Variants in CCDC158 observed in about 807,000 individuals in gnomAD.
CCDC158 encodes the protein coiled-coil domain containing 158, also known as coiled-coil domain-containing protein 158.
Under a neutral mutation model 138.6 loss-of-function variants are expected in CCDC158, and 116 were observed. The ratio of observed to expected loss-of-function variants is 0.84; its 90% CI spans 0.72 to 0.98. The LOEUF (loss-of-function observed/expected upper bound fraction) is 0.98, where lower values mean the gene tolerates loss of function less well. Ranked by LOEUF, CCDC158 falls within the 50% of genes least tolerant of loss-of-function variation. The probability of loss-of-function intolerance (pLI) is 0.00; values close to 1 mark genes in which losing one functional copy is unlikely to be tolerated. For missense variants in CCDC158, 1,265 were observed against 1,306.1 expected (o/e 0.97, Z 0.48); for synonymous variants, 436 against 442.4 (o/e 0.99, Z 0.18).
At chr4:76,357,770 C>T (rs1297082950) in intron 13 of CCDC158, among the ~76,000 whole-genome samples, 1 of 151,984 alleles carries the variant, frequency 6.6e-6, no homozygotes, top group East Asian at 1.9e-4. Flanking sequence ...ATTGTTTTTT[C>T]CCAAACATTA....
chr4:76,381,284 C>A (rs1190282914), intron 8 of CCDC158, among the ~76,000 whole-genome samples: 1 of 152,220 alleles, frequency 6.6e-6, no homozygotes, highest in Admixed American at 6.5e-5. Context: ...CTCAGTGTAG[C>A]CTGTGAAAGC....
rs756256598 is a variant in CCDC158 at position 76,313,120 on chromosome 4, C to T, written c.*50G>A. The T allele has an allele frequency of 1.3e-5, 16 of 1,220,082 alleles. No homozygotes were observed. The African/African-American group carries it at 1.8e-4, about 14-fold the overall frequency. The allele number at this position is 1,220,082 out of a possible 1,614,324, so 75.6% of individuals were successfully genotyped here. On this transcript the variant is annotated 3_prime_UTR_variant, in exon 25 of 25. Transcript: ENST00000682701. ...CACAGGGCACTAATTACGAGTAACA[C>T]CACAATTAATTGGGCCTCATTCCTC... is the stretch of plus-strand genomic sequence containing the variant.
chr4:76,377,311 CA>C (rs1474227724), intron 9 of CCDC158, among the ~76,000 whole-genome samples: 6 of 152,148 alleles, frequency 3.9e-5, no homozygotes, highest in African/African-American at 1.4e-4. Context: ...TGCGGCTTTT[CA>C]AAAAGTTTGT....
intron 1 of CCDC158, among the ~76,000 whole-genome samples, chr4:76,416,451 A>T (rs2109929168): frequency 6.6e-6 from 1 of 152,256 alleles, no homozygotes; most frequent in South Asian, 2.1e-4. Context: ...GACTCTACAG[A>T]GTCTAATGTT....
intron 16 of CCDC158, chr4:76,352,234 C>T (rs1723113926): frequency 6.5e-6 from 1 of 153,430 alleles, no homozygotes; most frequent in Admixed American, 6.5e-5. Context: ...TGGTGAAACC[C>T]CGTCTCTACT....
rs1180154964 is a variant in CCDC158, at chr4:76,380,738, T to A, written c.915-1334A>T. Among the ~76,000 whole-genome samples the A allele has an allele frequency of 2.6e-5, 4 of 152,212 alleles. No individual in the cohort carries two copies. The East Asian group carries it at 5.8e-4, about 22-fold the overall frequency. On this transcript the variant is annotated intron_variant, in intron 8 of 24. Transcript: ENST00000682701. ...AAGAGGTGCAAGACAATGGGGAAAA[T>A]GTCTCCGGGGCATGTCAGAGATCTT...
At chr4:76,359,750 C>T (rs1011836660) in intron 13 of CCDC158, among the ~76,000 whole-genome samples, 2 of 152,140 alleles carry the variant, frequency 1.3e-5, no homozygotes, top group Non-Finnish European at 2.9e-5. Flanking sequence ...AAAGAAATAA[C>T]CTGAAGCTAG....
rs368025660 is a variant in CCDC158 at position 76,396,453 on chromosome 4, C to T, written c.104G>A (p.Arg35His). 100 of 1,609,306 alleles carry T rather than the reference C, an allele frequency of 6.2e-5. No homozygotes were observed. Among genetic ancestry groups the T allele is most frequent in the Admixed American group, 1.7e-4 (10 of 58,974 alleles). ...AGATGTGTTTTCAATTATTGTACCA[C>T]GAATAGATGACACAAAAAATGAACT... ...SSSSFFVSSI[R>H]GTIIENTSSA... Residue 35 changes from arginine (R) to histidine (H), a missense_variant, in exon 4 of 25, where the codon CGT becomes CAT. Arg to His is a conservative substitution (Grantham distance 29). Transcript: ENST00000682701.
intron 1 of CCDC158, among the ~76,000 whole-genome samples, chr4:76,418,371 T>C (rs1370662214): frequency 6.6e-6 from 1 of 152,178 alleles, no homozygotes; most frequent in Non-Finnish European, 1.5e-5. Flanking sequence ...AGTAAGTTTA[T>C]TAAAAATCAC....
In CCDC158 at chr4:76,351,737, G is replaced by T. The variant is rs779490412; in HGVS notation, c.2521C>A (p.His841Asn). Residue 841 changes from histidine (H) to asparagine (N), a missense_variant, in exon 17 of 25, where the codon CAC becomes AAC. Physicochemically the swap from His to Asn is moderately conservative, Grantham distance 68. Coordinates refer to ENST00000682701, the MANE Select transcript of CCDC158 (RefSeq NM_001394954.1). ...EQESVRLKLQ[H>N]TLDIKELQGP... ...GACCTTACTTTTATATCCAAAGTGT[G>T]TTGAAGTTTTAAGCGCACTGATTCT... is the stretch of plus-strand genomic sequence containing the variant. 5.0e-6 allele frequency: 8 copies of T among 1,610,212 alleles called. 1 individual carries two copies. The highest frequency in any genetic ancestry group is 1.7e-4 in the Middle Eastern group (1 of 6,032).
chr4:76,341,081 T>G (rs73828787), intron 18 of CCDC158, among the ~76,000 whole-genome samples: 215 of 152,320 alleles, frequency 1.4e-3, no homozygotes, highest in African/African-American at 4.9e-3. Context: ...CTGAAAACAT[T>G]GACTCTGAAA....
intron 3 of CCDC158, among the ~76,000 whole-genome samples, chr4:76,397,211 G>GAAA (rs375388366): frequency 2.3e-4 from 33 of 146,508 alleles, no homozygotes; most frequent in African/African-American, 6.0e-4. Flanking sequence ...CTTAATTTTG[G>GAAA]AAAAAAAAAA....
intron 9 of CCDC158, among the ~76,000 whole-genome samples, chr4:76,373,301 T>C (rs1015670880): frequency 2.6e-5 from 4 of 152,280 alleles, no homozygotes; most frequent in Admixed American, 6.5e-5. Context: ...TACTTAGTTA[T>C]ATGGTGATAT....
chr4:76,379,337 G>C lies in CCDC158; in HGVS notation c.982C>G (p.Gln328Glu). The change falls in exon 9 of 25, where the codon CAG (glutamine) becomes GAG (glutamate). Residue 328 changes from glutamine (Q) to glutamate (E), a missense_variant. Physicochemically the swap from Gln to Glu is conservative, Grantham distance 29. Coordinates refer to ENST00000682701, the MANE Select transcript of CCDC158 (RefSeq NM_001394954.1). Reference sequence around the variant, plus strand: ...GCTTCCCTTAATTCAGAACGTAGCTGAGAAACAGTAGATTCCAGATCGCTG... The same window carrying C: ...GCTTCCCTTAATTCAGAACGTAGCTCAGAAACAGTAGATTCCAGATCGCTG... ...QLSDLESTVS[Q>E]LRSELREAKR... 2 of 1,610,388 alleles carry C rather than the reference G, an allele frequency of 1.2e-6. No individual in the cohort carries two copies. Among genetic ancestry groups the C allele is most frequent in the Non-Finnish European group, 1.7e-6 (2 of 1,178,830 alleles).
chr4:76,313,964 G>A (rs1037785430), intron 24 of CCDC158, among the ~76,000 whole-genome samples: 1 of 152,106 alleles, frequency 6.6e-6, no homozygotes, highest in South Asian at 2.1e-4. Context: ...ACTAAAAAAG[G>A]TTACATCCTT....
intron 13 of CCDC158, among the ~76,000 whole-genome samples, chr4:76,361,632 A>G (rs111966503): frequency 1.0e-3 from 159 of 152,344 alleles, no homozygotes; most frequent in African/African-American, 3.5e-3. Context: ...AGGGACTAAT[A>G]CACATACCAA....
chr4:76,323,319 A>G lies in CCDC158; in HGVS notation c.3260T>C (p.Leu1087Ser), dbSNP rs1276873041. 1 of 1,611,688 alleles carries G rather than the reference A, an allele frequency of 6.2e-7. No homozygotes were observed. Among genetic ancestry groups the G allele is most frequent in the South Asian group, 1.1e-5 (1 of 90,420 alleles). Residue 1087 changes from leucine (L) to serine (S), a missense_variant, in exon 24 of 25, where the codon TTA becomes TCA. Leu to Ser is a moderately radical substitution (Grantham distance 145, BLOSUM62 -2). Coordinates refer to ENST00000682701, the MANE Select transcript of CCDC158 (RefSeq NM_001394954.1). The stretch of plus-strand genomic sequence containing the variant: ...CACTGTACCTTGGTTCTTCAGCTGT[A>G]AATCTTCTACCAGAGTTTGCAAGCT... Reference protein sequence around the residue: ...LESLQTLVEDLQLKNQAMSSM... With the variant: ...LESLQTLVEDSQLKNQAMSSM...
intron 18 of CCDC158, among the ~76,000 whole-genome samples, chr4:76,340,274 G>C (rs1721927320): frequency 6.6e-6 from 1 of 152,192 alleles, no homozygotes; most frequent in South Asian, 2.1e-4. Context: ...CTTTCTCCCA[G>C]CTAGTGCATG....
chr4:76,404,911 T>C (rs114556924), intron 2 of CCDC158, among the ~76,000 whole-genome samples: 125 of 151,906 alleles, frequency 8.2e-4, no homozygotes, highest in African/African-American at 3.0e-3. Context: ...AGGACTGAAA[T>C]TGAAGACAGG....
Sources: gnomAD v4.1 joint callset for allele counts (sites outside exome capture counted in the v4.1 genomes callset) on GRCh38, gnomAD v4.1.1 for gene constraint, MANE v1.5 for transcripts, NCBI Gene and HGNC (gene_info 2026-07-23, HGNC 2026-07-21) for gene names.